Variants in CANX observed in about 807,000 individuals in gnomAD.
The protein encoded by CANX is epididymis secretory sperm binding protein.
Under a neutral mutation model 75.7 loss-of-function variants are expected in CANX, and 14 were observed. The ratio of observed to expected loss-of-function variants is 0.19; its 90% CI spans 0.12 to 0.29. The LOEUF is 0.29. CANX is among the 10% of genes least tolerant of loss of function. CANX has a pLI of 1.00. For synonymous variants in CANX, 227 were observed against 236.9 expected (o/e 0.96, Z 0.38); for missense variants, 567 against 713.2 (o/e 0.79, Z 2.34).
Position 179,716,089 on chromosome 5 carries a change from T to C in CANX, c.722-16T>C. 6.4e-7 allele frequency: 1 copy of C among 1,559,540 alleles called. No individual in the cohort carries two copies. The highest frequency in any genetic ancestry group is 2.2e-5 in the East Asian group (1 of 44,588). On this transcript the variant is annotated splice_polypyrimidine_tract_variant and intron_variant, in intron 7 of 14. Transcript: ENST00000247461. Reference sequence around the variant, plus strand: ...GAAAATTAAGTACTTTTAATTCCATTTAATGTTTCTTTCAGTCTTGAATCC... The same window carrying C: ...GAAAATTAAGTACTTTTAATTCCATCTAATGTTTCTTTCAGTCTTGAATCC...
chr5:179,697,748 G>A (rs1451370331), upstream of CANX, among the ~76,000 whole-genome samples: 2 of 152,112 alleles, frequency 1.3e-5, no homozygotes, highest in Non-Finnish European at 2.9e-5. Context: ...AAAATTAGCC[G>A]GGCGTGGTGG....
Position 179,726,727 on chromosome 5 carries a change from CAAG to C in CANX, c.1695_1697del (p.Glu568del). ...TGAAGAAGATGGTGGCACTGTCAGT[CAAG>C]AGGAGGAAGACAGAAAACCTAAAGC... On this transcript the variant is annotated inframe_deletion, in exon 14 of 15. Transcript: ENST00000247461. The C allele has an allele frequency of 1.9e-6, 3 of 1,613,634 alleles. No individual in the cohort carries two copies. The highest frequency in any genetic ancestry group is 2.5e-6 in the Non-Finnish European group (3 of 1,179,658).
At chr5:179,686,266 T>C (rs896637725) in intron 1 of CANX, among the ~76,000 whole-genome samples, 1 of 151,626 alleles carries the variant, frequency 6.6e-6, no homozygotes, top group Non-Finnish European at 1.5e-5. Flanking sequence ...CCCAGCCAAT[T>C]TCTGTATTTT....
intron 1 of CANX, among the ~76,000 whole-genome samples, chr5:179,703,304 G>A (rs1477328713): frequency 6.1e-5 from 9 of 147,706 alleles, no homozygotes; most frequent in Middle Eastern, 3.3e-3. Flanking sequence ...TGCATCCTCC[G>A]CCTCCCAGGT....
At chr5:179,702,197 C>T (rs1013766886) in intron 1 of CANX, among the ~76,000 whole-genome samples, 4 of 151,656 alleles carry the variant, frequency 2.6e-5, no homozygotes, top group African/African-American at 7.3e-5. Flanking sequence ...GCGGATGACG[C>T]TACACTCAGC....
intron 6 of CANX, 64 bp downstream of exon 6, chr5:179,709,123 A>G: frequency 9.7e-7 from 1 of 1,032,168 alleles, no homozygotes; most frequent in South Asian, 1.3e-5. Flanking sequence ...GAATTTTGTA[A>G]TTGGGCCGGG....
At chr5:179,688,317 T>A (rs1317886862) in intron 1 of CANX, among the ~76,000 whole-genome samples, 2 of 149,382 alleles carry the variant, frequency 1.3e-5, no homozygotes, top group Admixed American at 6.7e-5. Flanking sequence ...CCTCCCAAAG[T>A]GCTGGGATTA....
intron 7 of CANX, among the ~76,000 whole-genome samples, chr5:179,711,710 A>G (rs1581865798): frequency 6.8e-6 from 1 of 148,004 alleles, no homozygotes; most frequent in Admixed American, 6.9e-5. Context: ...AATTGCTTGA[A>G]CCCTGGAAGC....
chr5:179,728,014 C>A (rs746767248), intron 14 of CANX, among the ~76,000 whole-genome samples: 10 of 152,156 alleles, frequency 6.6e-5, no homozygotes, highest in Non-Finnish European at 1.3e-4. Flanking sequence ...CTATCTGTAT[C>A]TTTTGTATAT....
intron 14 of CANX, among the ~76,000 whole-genome samples, chr5:179,728,117 T>C (rs1778780169): frequency 1.3e-5 from 2 of 152,212 alleles, no homozygotes; most frequent in African/African-American, 4.8e-5. Flanking sequence ...AAAAAGTTGC[T>C]GGTGCATTTA....
At chr5:179,718,967 G>C (rs1011643834) in intron 8 of CANX, among the ~76,000 whole-genome samples, 1 of 149,690 alleles carries the variant, frequency 6.7e-6, no homozygotes, top group African/African-American at 2.5e-5. Flanking sequence ...ACCTGGCCTT[G>C]TGTATTTTTT....
chr5:179,723,927 A>G (rs1778475451), intron 12 of CANX, 148 bp downstream of exon 12: 2 of 666,794 alleles, frequency 3.0e-6, no homozygotes, highest in South Asian at 4.3e-5. Flanking sequence ...AACCTTACTT[A>G]CTGTTCCTCA....
At position 179,729,179 on chromosome 5, in the gene CANX, A is replaced by G. The variant is rs1778856225; in HGVS notation, c.*535A>G. The stretch of plus-strand genomic sequence containing the variant: ...CTTGTTTTGTTTGCTTCCATTATTG[A>G]GTTCCTCCTAAGGAAATTGAGGAGA... On this transcript the variant is annotated 3_prime_UTR_variant, in exon 15 of 15. Transcript: ENST00000247461. 1.8e-5 allele frequency: 3 copies of G among 168,006 alleles called. No homozygotes were observed. Among genetic ancestry groups the G allele is most frequent in the African/African-American group, 7.2e-5 (3 of 41,492 alleles). The allele number at this position is 168,006 out of a possible 1,614,324, so 10.4% of individuals were successfully genotyped here. A position where few individuals can be genotyped will look rare whatever the true frequency, so the allele number is the denominator to read the frequency against.
chr5:179,730,288 T>A lies in CANX; in HGVS notation c.*1644T>A, dbSNP rs1444682096. ...AAGGCTGTATCTATTTTTTTTTCTT[T>A]TTAAAGTTTGTTCACTTAAATTCTT... On this transcript the variant is annotated 3_prime_UTR_variant, in exon 15 of 15. Coordinates refer to ENST00000247461, the MANE Select transcript of CANX (RefSeq NM_001746.4). The A allele has an allele frequency of 1.4e-5, 2 of 138,890 alleles. No individual in the cohort carries two copies. The highest frequency in any genetic ancestry group is 3.3e-5 in the Non-Finnish European group (2 of 60,056). 8.6% of individuals were successfully genotyped at this position (138,890 alleles called of 1,614,324 possible). A position where few individuals can be genotyped will look rare whatever the true frequency, so the allele number is the denominator to read the frequency against.
chr5:179,696,291 T>C (rs1164351254), upstream of CANX, among the ~76,000 whole-genome samples: 2 of 140,190 alleles, frequency 1.4e-5, no homozygotes, highest in Non-Finnish European at 3.1e-5. Context: ...TTTTTTTTTT[T>C]TGGAGACAGA....
At chr5:179,712,631 G>T (rs1223972091) in intron 7 of CANX, among the ~76,000 whole-genome samples, 2 of 146,758 alleles carry the variant, frequency 1.4e-5, no homozygotes, top group East Asian at 4.0e-4. Flanking sequence ...CTCCATGTTG[G>T]TCAGGCTGGT....
At chr5:179,698,279 A>G (rs974952338), upstream of CANX, 12 of 417,904 alleles carry the variant, frequency 2.9e-5, no homozygotes, top group African/African-American at 1.9e-4. Flanking sequence ...ACTTCAGGAA[A>G]CATAAATTGA....
At chr5:179,679,073 C>T in intron 1 of CANX, 2 of 1,535,574 alleles carry the variant, frequency 1.3e-6, no homozygotes, top group Non-Finnish European at 1.7e-6. Flanking sequence ...GTGATCGGCC[C>T]AAAACTGCTG....
chr5:179,697,820 G>T (rs1042181116), upstream of CANX, among the ~76,000 whole-genome samples: 1 of 152,130 alleles, frequency 6.6e-6, no homozygotes, highest in African/African-American at 2.4e-5. Context: ...CCCGGGAGGC[G>T]GAGGTTGTAG....
Sources: allele counts gnomAD v4.1 joint callset (sites outside exome capture counted in the v4.1 genomes callset), GRCh38; gene constraint gnomAD v4.1.1; transcripts MANE v1.5; gene names NCBI Gene and HGNC (gene_info 2026-07-23, HGNC 2026-07-21).